TANGO6: variants seen among roughly 807,000 people sequenced by gnomAD.
TANGO6 encodes transport and golgi organization 6 homolog.
A neutral mutation model predicts 114.2 loss-of-function variants in TANGO6; 90 were observed. The observed-to-expected ratio is 0.79, with a 90% CI of 0.66 to 0.94. The LOEUF (loss-of-function observed/expected upper bound fraction) is 0.94, where lower values mean the gene tolerates loss of function less well. Ranked by LOEUF, TANGO6 falls within the 40% of genes least tolerant of loss-of-function variation. TANGO6 has a pLI of 0.00. For missense variants in TANGO6, 1,274 were observed against 1,315.3 expected (o/e 0.97, Z 0.49); for synonymous variants, 477 against 509.8 (o/e 0.94, Z 0.87).
intron 14 of TANGO6, among the ~76,000 whole-genome samples, chr16:68,966,275 G>T (rs1054175517): frequency 2.0e-5 from 3 of 151,882 alleles, no homozygotes; most frequent in African/African-American, 7.3e-5. Flanking sequence ...TGTAACCCCA[G>T]CACTTTGGGA....
chr16:68,883,825 G>T (rs1017726554), intron 7 of TANGO6, among the ~76,000 whole-genome samples: 28 of 152,188 alleles, frequency 1.8e-4, no homozygotes, highest in Non-Finnish European at 7.4e-5. Context: ...TAAGAAGGCA[G>T]ATGCTTTTGT....
intron 14 of TANGO6, among the ~76,000 whole-genome samples, chr16:68,971,640 CT>C (rs1001629951): frequency 6.6e-6 from 1 of 150,682 alleles, no homozygotes; most frequent in South Asian, 2.1e-4. Context: ...TTCTTTTTTT[CT>C]TTTTTTTGAG....
chr16:68,911,531 C>T (rs1245238639), intron 11 of TANGO6, among the ~76,000 whole-genome samples: 2 of 151,908 alleles, frequency 1.3e-5, no homozygotes, highest in African/African-American at 4.8e-5. Context: ...ATTCTCCTGC[C>T]TCAGCCTCCC....
At chr16:68,855,313 G>T (rs1961968518) in intron 1 of TANGO6, among the ~76,000 whole-genome samples, 1 of 152,156 alleles carries the variant, frequency 6.6e-6, no homozygotes, top group African/African-American at 2.4e-5. Context: ...CAGGCGTGGT[G>T]GCTCACACCT....
chr16:69,060,784 G>A lies in TANGO6; in HGVS notation c.3108+20363G>A, dbSNP rs976946486. Among the ~76,000 whole-genome samples the A allele has an allele frequency of 3.3e-5, 5 of 151,868 alleles. No homozygotes were observed. In the South Asian group the frequency reaches 1.0e-3, roughly 32 times the overall value. On this transcript the variant is annotated intron_variant, in intron 17 of 17. Coordinates refer to ENST00000261778, the MANE Select transcript of TANGO6 (RefSeq NM_024562.2). ...CGAGGCGGGAGGATCACAAGGTCAC[G>A]AGATCGAGACCATCCTGGCCAACAT...
At chr16:68,940,384 G>A (rs1030145125) in intron 14 of TANGO6, among the ~76,000 whole-genome samples, 8 of 151,956 alleles carry the variant, frequency 5.3e-5, no homozygotes, top group Admixed American at 3.3e-4. Flanking sequence ...TTTTTGTCAG[G>A]TTATCAATAA....
chr16:68,845,984 C>T (rs1252098313), intron 1 of TANGO6, among the ~76,000 whole-genome samples: 1 of 151,878 alleles, frequency 6.6e-6, no homozygotes, highest in Non-Finnish European at 1.5e-5. Flanking sequence ...TCCCTTGTAG[C>T]TGGGACTATA....
intron 17 of TANGO6, among the ~76,000 whole-genome samples, chr16:69,072,259 T>G (rs1462479987): frequency 6.6e-6 from 1 of 152,006 alleles, no homozygotes; most frequent in Non-Finnish European, 1.5e-5. Context: ...ATCCTTGGCC[T>G]AAGCTTCTCA....
At chr16:68,922,939 G>GTTTTTTTTT (rs531603542) in intron 12 of TANGO6, among the ~76,000 whole-genome samples, 2 of 79,050 alleles carry the variant, frequency 2.5e-5, no homozygotes, top group Non-Finnish European at 2.5e-5. Context: ...CTTAGGTCAT[G>GTTTTTTTTT]TTTTTTTTTT....
At chr16:69,063,694 A>G (rs1960166033) in intron 17 of TANGO6, among the ~76,000 whole-genome samples, 1 of 145,048 alleles carries the variant, frequency 6.9e-6, no homozygotes. Context: ...GGGATTTTTA[A>G]TGAGTAGTGA....
At chr16:68,873,907 C>T (rs997706804) in intron 4 of TANGO6, among the ~76,000 whole-genome samples, 1 of 152,086 alleles carries the variant, frequency 6.6e-6, no homozygotes, top group Non-Finnish European at 1.5e-5. Context: ...TTGTATTATA[C>T]TAAGTGTGTT....
At chr16:68,983,819 G>T (rs1963864979) in intron 15 of TANGO6, among the ~76,000 whole-genome samples, 2 of 152,050 alleles carry the variant, frequency 1.3e-5, no homozygotes, top group South Asian at 4.1e-4. Context: ...GGATCATGAG[G>T]TCAGGAGATC....
intron 16 of TANGO6, among the ~76,000 whole-genome samples, chr16:69,024,394 G>A (rs1959465444): frequency 6.6e-6 from 1 of 151,612 alleles, no homozygotes; most frequent in African/African-American, 2.4e-5. Flanking sequence ...TCAGCCTCCC[G>A]AGTAGCTGGG....
At chr16:69,063,840 T>TATG (rs1323238062) in intron 17 of TANGO6, among the ~76,000 whole-genome samples, 4 of 146,020 alleles carry the variant, frequency 2.7e-5, no homozygotes, top group Middle Eastern at 7.0e-3. Context: ...TTATTATTAT[T>TATG]ATTATATTAT....
intron 4 of TANGO6, among the ~76,000 whole-genome samples, chr16:68,871,619 T>C (rs953371008): frequency 3.3e-5 from 5 of 152,140 alleles, no homozygotes; most frequent in African/African-American, 1.2e-4. Flanking sequence ...TCTCTGTCTT[T>C]AAAATTTTTT....
chr16:68,917,363 C>A (rs1045002525), intron 11 of TANGO6, among the ~76,000 whole-genome samples: 6 of 152,154 alleles, frequency 3.9e-5, no homozygotes, highest in Non-Finnish European at 8.8e-5. Context: ...CTGCTATAAA[C>A]AACCATGTGC....
intron 3 of TANGO6, 85 bp downstream of exon 3, chr16:68,863,146 T>C: frequency 1.3e-6 from 1 of 785,826 alleles, no homozygotes; most frequent in Non-Finnish European, 2.0e-6. Flanking sequence ...TAAATAACTT[T>C]AGTTCCCTGT....
intron 15 of TANGO6, among the ~76,000 whole-genome samples, chr16:69,012,025 A>G (rs1270331033): frequency 6.6e-6 from 1 of 152,228 alleles, no homozygotes; most frequent in African/African-American, 2.4e-5. Flanking sequence ...GTTCAAACAA[A>G]TCTAGATCCT....
rs367853414 is a variant in TANGO6, at chr16:68,907,495, C to T, written c.1720C>T (p.Arg574Trp). ...LYQKVSSEQG[R>W]VEHLGDLLSH... ...CCAGAAGGTATCCTCTGAGCAGGGCCGGGTGGAGCATCTCGGGGACTTGCT... is the reference window on the plus strand; with the variant it reads ...CCAGAAGGTATCCTCTGAGCAGGGCTGGGTGGAGCATCTCGGGGACTTGCT... The change falls in exon 10 of 18, where the codon CGG becomes TGG. Residue 574 changes from arginine (R) to tryptophan (W), a missense_variant. Physicochemically the swap from Arg to Trp is moderately radical, Grantham distance 101. Coordinates refer to ENST00000261778, the MANE Select transcript of TANGO6 (RefSeq NM_024562.2). The T allele has an allele frequency of 1.7e-5, 28 of 1,613,494 alleles. No individual in the cohort carries two copies. The highest frequency in any genetic ancestry group is 9.3e-5 in the African/African-American group (7 of 74,918).
Sources: gnomAD v4.1 joint callset for allele counts (sites outside exome capture counted in the v4.1 genomes callset) on GRCh38, gnomAD v4.1.1 for gene constraint, MANE v1.5 for transcripts, NCBI Gene and HGNC (gene_info 2026-07-23, HGNC 2026-07-21) for gene names.